The following MYL12B variants were observed in gnomAD, a reference collection of about 807,000 sequenced individuals.
The protein encoded by MYL12B is myosin light chain 12B.
In MYL12B, 3 loss-of-function variants were observed where a neutral mutation model predicts 12.9. The ratio of observed to expected loss-of-function variants is 0.23; its 90% CI spans 0.11 to 0.60. The LOEUF (loss-of-function observed/expected upper bound fraction) is 0.60, where lower values mean the gene tolerates loss of function less well. MYL12B is among the 20% of genes least tolerant of loss of function. The probability of loss-of-function intolerance (pLI) is 0.89; values close to 1 mark genes in which losing one functional copy is unlikely to be tolerated. For missense variants in MYL12B, 120 were observed against 215.4 expected, an observed-to-expected ratio of 0.56 and a Z score of 2.77; for synonymous variants, 57 against 71.9, an observed-to-expected ratio of 0.79 and a Z score of 1.05.
At chr18:3,274,059 C>T (rs938152814) in intron 2 of MYL12B, among the ~76,000 whole-genome samples, 4 of 152,110 alleles carry the variant, frequency 2.6e-5, no homozygotes, top group Non-Finnish European at 5.9e-5. Flanking sequence ...TAGCTATATT[C>T]ACTGATTGTT....
intron 1 of MYL12B, chr18:3,262,887 T>A (rs749793313): frequency 1.3e-5 from 2 of 152,302 alleles, no homozygotes; most frequent in African/African-American, 2.4e-5. Flanking sequence ...TTTAGTTTAT[T>A]CGTGTTGATT....
At chr18:3,277,724 G>A in intron 3 of MYL12B, 41 bp from the exon 4 acceptor site, 1 of 1,578,172 alleles carries the variant, frequency 6.3e-7, no homozygotes, top group Non-Finnish European at 8.6e-7. Context: ...AAAGTGCCAG[G>A]AAGTATTGAT....
At chr18:3,275,814 G>A (rs2081725849) in intron 2 of MYL12B, among the ~76,000 whole-genome samples, 1 of 152,070 alleles carries the variant, frequency 6.6e-6, no homozygotes, top group Non-Finnish European at 1.5e-5. Context: ...GGTTAAATCT[G>A]GAGGTAGAAA....
In MYL12B at chr18:3,277,395, C is replaced by T. The variant is rs2144367701; in HGVS notation, c.327C>T (p.Cys109=). The change falls in exon 3 of 4, where the codon TGC becomes TGT. Residue 109 remains cysteine, a synonymous_variant. Transcript: ENST00000237500. ...ATGTCATCAGAAACGCCTTTGCTTG[C>T]TTTGATGAAGAAGCAACAGGTGAGT... ...PEDVIRNAFA[C]FDEEATGTIQ... 1 of 1,614,092 alleles carries T rather than the reference C, an allele frequency of 6.2e-7. No homozygotes were observed. Among genetic ancestry groups the T allele is most frequent in the Non-Finnish European group, 8.5e-7 (1 of 1,179,982 alleles).
intron 1 of MYL12B, among the ~76,000 whole-genome samples, chr18:3,269,467 C>G (rs1196149643): frequency 6.6e-6 from 1 of 152,096 alleles, no homozygotes; most frequent in East Asian, 1.9e-4. Flanking sequence ...GGGAGGGTGA[C>G]TCCTAGGTTT....
In MYL12B at chr18:3,269,087, A is replaced by G. The variant is rs755097472; in HGVS notation, c.-15-3797A>G. On this transcript the variant is annotated intron_variant, in intron 1 of 3. Coordinates refer to ENST00000237500, the MANE Select transcript of MYL12B (RefSeq NM_033546.4). ...GGGACATTTGCAGTTTGGTGTTGCT[A>G]AAGGAAAAGTACAAAGCAGGGAATG... Among the ~76,000 whole-genome samples, 3 of 152,192 alleles carry G rather than the reference A, an allele frequency of 2.0e-5. 1 individual carries two copies. The highest frequency in any genetic ancestry group is 1.3e-4 in the Admixed American group (2 of 15,284).
chr18:3,273,546 C>A (rs62076929), intron 2 of MYL12B, among the ~76,000 whole-genome samples: 1 of 151,986 alleles, frequency 6.6e-6, no homozygotes, highest in African/African-American at 2.4e-5. Context: ...TTTTTAATAA[C>A]TAAAATGTAA....
chr18:3,273,851 G>GTTTTTT (rs1555636125), intron 2 of MYL12B, among the ~76,000 whole-genome samples: 1,800 of 115,400 alleles, frequency 0.016, 35 homozygotes, highest in East Asian at 0.048. Flanking sequence ...AGAGGTGGGG[G>GTTTTTT]TTTTTTTTTT....
rs752956376 is a variant in MYL12B at position 3,273,074 on chromosome 18, C to T, written c.176C>T (p.Ala59Val). The T allele has an allele frequency of 6.2e-7, 1 of 1,602,626 alleles. No individual in the cohort carries two copies. The change falls in exon 2 of 4, where the codon GCT becomes GTT. Residue 59 changes from alanine to valine, a missense_variant. Physicochemically the swap from Ala to Val is moderately conservative, Grantham distance 64 (BLOSUM62 0). Coordinates refer to ENST00000237500, the MANE Select transcript of MYL12B (RefSeq NM_033546.4). ...AAGGAAGATTTGCATGATATGCTTG[C>T]TTCTCTAGGTAGACTTTATATTCTT... ...IDKEDLHDML[A>V]SLGKNPTDAY...
At chr18:3,263,115 A>G (rs1247534901) in intron 1 of MYL12B, 2 of 152,238 alleles carry the variant, frequency 1.3e-5, no homozygotes, top group Non-Finnish European at 2.9e-5. Context: ...GTAATGACTA[A>G]TAGTCGGAAA....
Position 3,267,528 on chromosome 18 carries a change from C to A in MYL12B, c.-16+5291C>A, listed in dbSNP as rs576506450. ...CCACAGCCACCTATAATACATAATA[C>A]AGTAGTCCTATATGATGCTTCTTTC... is the stretch of plus-strand genomic sequence containing the variant. On this transcript the variant is annotated intron_variant, in intron 1 of 3. Coordinates refer to ENST00000237500, the MANE Select transcript of MYL12B (RefSeq NM_033546.4). 6.5e-3 allele frequency among the ~76,000 whole-genome samples: 995 copies of A among 152,256 alleles called. 12 individuals are homozygous for A. Among genetic ancestry groups the A allele is most frequent in the African/African-American group, 0.022 (929 of 41,528 alleles).
At position 3,273,095 on chromosome 18, in the gene MYL12B, T is replaced by G. The variant is rs747029644; in HGVS notation, c.184+13T>G. On this transcript the variant is annotated intron_variant, in intron 2 of 3. Transcript: ENST00000237500. ...CTTGCTTCTCTAGGTAGACTTTATA[T>G]TCTTTATTTGTATTTTCCCTAAAAT... 1.3e-5 allele frequency: 20 copies of G among 1,553,592 alleles called. No individual in the cohort carries two copies. The highest frequency in any genetic ancestry group is 2.6e-6 in the Non-Finnish European group (3 of 1,149,094).
intron 1 of MYL12B, among the ~76,000 whole-genome samples, chr18:3,263,403 G>T (rs2081610630): frequency 6.6e-6 from 1 of 152,220 alleles, no homozygotes; most frequent in African/African-American, 2.4e-5. Context: ...GTGAAACCCA[G>T]AGAGGTGAGG....
chr18:3,267,331 C>G (rs970329736), intron 1 of MYL12B, among the ~76,000 whole-genome samples: 4 of 152,186 alleles, frequency 2.6e-5, no homozygotes, highest in Admixed American at 1.3e-4. Flanking sequence ...TCATAGGTAG[C>G]TGACAGAATG....
At chr18:3,272,560 C>T (rs985946608) in intron 1 of MYL12B, among the ~76,000 whole-genome samples, 4 of 152,198 alleles carry the variant, frequency 2.6e-5, no homozygotes, top group Admixed American at 1.3e-4. Context: ...ATGGGAGTCT[C>T]ACTATGTTGC....
intron 2 of MYL12B, chr18:3,276,446 A>G (rs993319927): frequency 5.1e-6 from 5 of 984,768 alleles, no homozygotes; most frequent in African/African-American, 1.7e-5. Flanking sequence ...CACTGCACTA[A>G]AAGAAGTGTT....
At chr18:3,267,557 G>A (rs530669237) in intron 1 of MYL12B, among the ~76,000 whole-genome samples, 1 of 152,058 alleles carries the variant, frequency 6.6e-6, no homozygotes, top group African/African-American at 2.4e-5. Flanking sequence ...TTCTTTCCAC[G>A]GTCCATGGTT....
At chr18:3,272,098 G>A in intron 1 of MYL12B, 2 of 985,224 alleles carry the variant, frequency 2.0e-6, no homozygotes, top group Non-Finnish European at 2.4e-6. Context: ...TCTTGTCAAG[G>A]GAAAAGGGAA....
chr18:3,277,018 C>T (rs2081737948), intron 2 of MYL12B: 1 of 981,284 alleles, frequency 1.0e-6, no homozygotes, highest in African/African-American at 1.8e-5. Flanking sequence ...ACAGAAAGTT[C>T]ACATAAACGA....
Sources: allele counts gnomAD v4.1 joint callset (sites outside exome capture counted in the v4.1 genomes callset), GRCh38; gene constraint gnomAD v4.1.1; transcripts MANE v1.5; gene names NCBI Gene and HGNC (gene_info 2026-07-23, HGNC 2026-07-21).